The following GRM8 variants were observed in gnomAD, a reference collection of about 807,000 sequenced individuals.
GRM8 encodes metabotropic glutamate receptor 8.
GRM8 carries 47 observed loss-of-function variants against 87.2 expected under a neutral mutation model. That is an observed-to-expected ratio of 0.54 (90% confidence interval 0.43 to 0.69). The LOEUF (loss-of-function observed/expected upper bound fraction) is 0.69. Ranked by LOEUF, GRM8 falls within the 30% of genes least tolerant of loss-of-function variation. The pLI is 0.00. For synonymous variants in GRM8, 396 were observed against 404.5 expected, an observed-to-expected ratio of 0.98 and a Z score of 0.25; for missense variants, 1,019 against 1,139.2, an observed-to-expected ratio of 0.89 and a Z score of 1.52.
intron 8 of GRM8, among the ~76,000 whole-genome samples, chr7:126,544,329 G>C (rs1401013743): frequency 1.3e-5 from 2 of 152,054 alleles, no homozygotes; most frequent in Non-Finnish European, 2.9e-5. Context: ...GAGTAGGCCT[G>C]GCTTTAGGCA....
chr7:126,959,391 C>T (rs770825093), intron 3 of GRM8, among the ~76,000 whole-genome samples: 1 of 152,154 alleles, frequency 6.6e-6, no homozygotes, highest in Non-Finnish European at 1.5e-5. Flanking sequence ...AATTTGGCAG[C>T]AGTGAACTTG....
At chr7:127,236,538 C>T (rs1372129262) in intron 2 of GRM8, among the ~76,000 whole-genome samples, 1 of 152,104 alleles carries the variant, frequency 6.6e-6, no homozygotes, top group Non-Finnish European at 1.5e-5. Flanking sequence ...CATCAGATCT[C>T]GTGAGAACTC....
intron 3 of GRM8, among the ~76,000 whole-genome samples, chr7:127,044,139 C>G (rs538198299): frequency 6.6e-6 from 1 of 152,332 alleles, no homozygotes; most frequent in East Asian, 1.9e-4. Flanking sequence ...AAGCTCAGAG[C>G]TCACCAGATA....
intron 3 of GRM8, among the ~76,000 whole-genome samples, chr7:127,072,737 CCT>C (rs371232296): frequency 5.9e-5 from 9 of 151,564 alleles, no homozygotes; most frequent in Admixed American, 2.6e-4. Context: ...TAGAGTGCTA[CCT>C]AGAAACAGAG....
At chr7:127,066,029 T>A (rs1390351734) in intron 3 of GRM8, among the ~76,000 whole-genome samples, 1 of 150,572 alleles carries the variant, frequency 6.6e-6, no homozygotes. Flanking sequence ...AAAAAACAGA[T>A]CCTTTGACAC....
chr7:126,786,267 C>T (rs539085201), intron 6 of GRM8, among the ~76,000 whole-genome samples: 2 of 152,270 alleles, frequency 1.3e-5, no homozygotes, highest in East Asian at 3.9e-4. Context: ...CTTTAAAATA[C>T]CTATTTACCT....
chr7:126,525,127 T>C (rs565267510), intron 9 of GRM8, among the ~76,000 whole-genome samples: 1 of 152,278 alleles, frequency 6.6e-6, no homozygotes, highest in South Asian at 2.1e-4. Context: ...GTGGGGTCTG[T>C]TTTCTTTGTT....
At chr7:126,686,974 C>A (rs77246811) in intron 7 of GRM8, among the ~76,000 whole-genome samples, 18,299 of 152,286 alleles carry the variant, frequency 0.12, 1,498 homozygotes, top group Non-Finnish European at 0.15. Context: ...ATTCCAGTAG[C>A]TTGCGTCTAC....
intron 3 of GRM8, among the ~76,000 whole-genome samples, chr7:126,908,826 T>A (rs1354083255): frequency 1.3e-5 from 2 of 152,230 alleles, no homozygotes; most frequent in African/African-American, 4.8e-5. Context: ...GGACTATTAA[T>A]CTATTTAAGC....
chr7:126,927,042 C>T (rs1211114560), intron 3 of GRM8, among the ~76,000 whole-genome samples: 1 of 152,086 alleles, frequency 6.6e-6, no homozygotes, highest in Non-Finnish European at 1.5e-5. Context: ...TTGGATTAAC[C>T]AATAAATAAA....
chr7:126,641,470 T>C (rs1802375341), intron 7 of GRM8, among the ~76,000 whole-genome samples: 1 of 152,186 alleles, frequency 6.6e-6, no homozygotes, highest in Admixed American at 6.5e-5. Context: ...AAATAGTATG[T>C]GACATGGAGT....
chr7:126,764,463 A>G (rs1817973441), intron 7 of GRM8, among the ~76,000 whole-genome samples: 1 of 152,078 alleles, frequency 6.6e-6, no homozygotes, highest in South Asian at 2.1e-4. Context: ...ATGTTAAACT[A>G]TAATTATTCC....
At chr7:126,482,865 T>C (rs951973115) in intron 9 of GRM8, among the ~76,000 whole-genome samples, 1 of 151,822 alleles carries the variant, frequency 6.6e-6, no homozygotes, top group East Asian at 1.9e-4. Flanking sequence ...AACATGACCA[T>C]GGGCAAATAT....
At chr7:127,113,077 C>A (rs2133137353) in intron 2 of GRM8, among the ~76,000 whole-genome samples, 1 of 152,252 alleles carries the variant, frequency 6.6e-6, no homozygotes, top group Admixed American at 6.5e-5. Context: ...AATAAAGGGT[C>A]TCTGAGGCTC....
intron 7 of GRM8, among the ~76,000 whole-genome samples, chr7:126,764,743 T>C (rs1194325444): frequency 6.6e-6 from 1 of 152,116 alleles, no homozygotes; most frequent in Non-Finnish European, 1.5e-5. Context: ...GCTTTCTTCC[T>C]CTTGGTGTCA....
rs573242646 is a variant in GRM8 at position 126,609,803 on chromosome 7, T to A, written c.1358-305A>T. Among the ~76,000 whole-genome samples the A allele has an allele frequency of 5.3e-5, 8 of 152,360 alleles. No homozygotes were observed. In the South Asian group the frequency reaches 1.7e-3, roughly 32 times the overall value. ...AGTTGATAGGCTGAATATTCAATACTGGCTACATAGTATGATAGTTAATAG... is the reference window on the plus strand; with the variant it reads ...AGTTGATAGGCTGAATATTCAATACAGGCTACATAGTATGATAGTTAATAG... On this transcript the variant is annotated intron_variant, in intron 7 of 10. Transcript: ENST00000339582.
intron 8 of GRM8, among the ~76,000 whole-genome samples, chr7:126,549,316 T>C (rs17609121): frequency 0.34 from 51,151 of 151,904 alleles, 8,933 homozygotes; most frequent in East Asian, 0.44. Context: ...TCAAAATCAA[T>C]GGAAAGAACT....
intron 2 of GRM8, among the ~76,000 whole-genome samples, chr7:127,171,403 G>A (rs1005968049): frequency 3.3e-5 from 5 of 152,210 alleles, no homozygotes; most frequent in East Asian, 1.9e-4. Flanking sequence ...AAGTTCTAAC[G>A]TGGATAAAAT....
intron 6 of GRM8, among the ~76,000 whole-genome samples, chr7:126,819,029 A>G (rs943059889): frequency 9.2e-5 from 14 of 151,968 alleles, no homozygotes; most frequent in African/African-American, 3.4e-4. Context: ...GGCCCCCTTC[A>G]GCTCTCACCT....
Sources: allele counts gnomAD v4.1 joint callset (sites outside exome capture counted in the v4.1 genomes callset), GRCh38; gene constraint gnomAD v4.1.1; transcripts MANE v1.5; gene names NCBI Gene and HGNC (gene_info 2026-07-23, HGNC 2026-07-21).